The following MRRF variants were observed in gnomAD, a reference collection of about 807,000 sequenced individuals.
MRRF encodes mitochondrial ribosome recycling factor, also known as ribosome-recycling factor, mitochondrial.
Under a neutral mutation model 25.1 loss-of-function variants are expected in MRRF, and 18 were observed. The observed-to-expected ratio is 0.72, with a 90% CI of 0.50 to 1.06. MRRF has a LOEUF of 1.06. Ranked by LOEUF, MRRF falls within the 50% of genes least tolerant of loss-of-function variation. MRRF has a pLI of 0.00. For synonymous variants in MRRF, 113 were observed against 112.1 expected (o/e 1.01, Z -0.05); for missense variants, 323 against 319.3 (o/e 1.01, Z -0.09).
At chr9:122,272,532 G>C (rs542245619) in intron 2 of MRRF, among the ~76,000 whole-genome samples, 2 of 152,212 alleles carry the variant, frequency 1.3e-5, no homozygotes, top group African/African-American at 4.8e-5. Context: ...GGGCCTGGTG[G>C]CCTGTACCTG....
At chr9:122,286,138 G>T in intron 4 of MRRF, 2 of 1,267,018 alleles carry the variant, frequency 1.6e-6, no homozygotes, top group Non-Finnish European at 2.1e-6. Context: ...CACTCTCTGG[G>T]CCTCCATTTC....
intron 5 of MRRF, among the ~76,000 whole-genome samples, chr9:122,309,578 A>T (rs1020603883): frequency 6.6e-6 from 1 of 151,800 alleles, no homozygotes; most frequent in African/African-American, 2.4e-5. Flanking sequence ...GGTTGGTCAG[A>T]CTCCTTTCCC....
rs1239326106 is a variant in MRRF at position 122,264,942 on chromosome 9, A to G, written c.-29+4A>G. Reference sequence around the variant, plus strand: ...TTAGTAACCTGGGCGATAGCTGGTGAGTGTCCTTGACAGGGCCTCGAGGGG... The same window carrying G: ...TTAGTAACCTGGGCGATAGCTGGTGGGTGTCCTTGACAGGGCCTCGAGGGG... On this transcript the variant is annotated splice_donor_region_variant and intron_variant, in intron 1 of 6. Transcript: ENST00000344641. The G allele has an allele frequency of 6.5e-6, 1 of 153,082 alleles. No individual in the cohort carries two copies. The highest frequency in any genetic ancestry group is 1.5e-5 in the Non-Finnish European group (1 of 68,116). 9.5% of individuals were successfully genotyped at this position (153,082 alleles called of 1,614,324 possible). A position where few individuals can be genotyped will look rare whatever the true frequency, so the allele number is the denominator to read the frequency against.
intron 4 of MRRF, among the ~76,000 whole-genome samples, chr9:122,287,956 C>A (rs1297915446): frequency 6.6e-6 from 1 of 152,156 alleles, no homozygotes; most frequent in Admixed American, 6.5e-5. Context: ...CTGAGCTAAT[C>A]CTGTGTTTAT....
chr9:122,278,265 AG>A (rs1208600075), intron 2 of MRRF, among the ~76,000 whole-genome samples: 4 of 152,200 alleles, frequency 2.6e-5, no homozygotes, highest in African/African-American at 7.2e-5. Flanking sequence ...AGGAAAGTGC[AG>A]CTGTCATAAA....
chr9:122,318,069 A>C (rs1374430408), intron 6 of MRRF, among the ~76,000 whole-genome samples: 3 of 152,170 alleles, frequency 2.0e-5, no homozygotes, highest in African/African-American at 7.2e-5. Context: ...CCCGGGAGGC[A>C]GAGCTGCAGT....
In MRRF at chr9:122,324,586, A is replaced by G. The variant is rs1401507835; in HGVS notation, c.*1969A>G. The stretch of plus-strand genomic sequence containing the variant: ...TGCACTGAACTAAATTGCTGTCTAT[A>G]ATAATCTATTGGGTGGAAAAGTAGG... On this transcript the variant is annotated 3_prime_UTR_variant, in exon 7 of 7. Coordinates refer to ENST00000344641, the MANE Select transcript of MRRF (RefSeq NM_138777.5). 1.3e-5 allele frequency: 2 copies of G among 152,216 alleles called. No homozygotes were observed. The highest frequency in any genetic ancestry group is 2.9e-5 in the Non-Finnish European group (2 of 68,042). 9.4% of individuals were successfully genotyped at this position (152,216 alleles called of 1,614,324 possible). A position where few individuals can be genotyped will look rare whatever the true frequency, so the allele number is the denominator to read the frequency against.
chr9:122,294,994 A>G (rs1833998543), intron 5 of MRRF, among the ~76,000 whole-genome samples: 1 of 152,186 alleles, frequency 6.6e-6, no homozygotes, highest in African/African-American at 2.4e-5. Flanking sequence ...ATATTCAGGA[A>G]AGCAGAAAAG....
intron 1 of MRRF, among the ~76,000 whole-genome samples, chr9:122,265,149 AG>A (rs970145417): frequency 2.6e-5 from 4 of 152,134 alleles, no homozygotes; most frequent in Non-Finnish European, 5.9e-5. Context: ...CTAGGAATTT[AG>A]GGGATGCTGG....
intron 5 of MRRF, among the ~76,000 whole-genome samples, chr9:122,307,427 C>T (rs1834922217): frequency 6.6e-6 from 1 of 152,218 alleles, no homozygotes; most frequent in South Asian, 2.1e-4. Context: ...CTGTTTCTCT[C>T]TGCTCACTAT....
At chr9:122,272,610 GT>G (rs1439374686) in intron 2 of MRRF, among the ~76,000 whole-genome samples, 1 of 152,174 alleles carries the variant, frequency 6.6e-6, no homozygotes, top group African/African-American at 2.4e-5. Flanking sequence ...GGCTGCAGAA[GT>G]TGGTTGTTTG....
At position 122,327,755 on chromosome 9, in the gene MRRF, T is replaced by A. The variant is rs1836179330; in HGVS notation, c.*5138T>A. On this transcript the variant is annotated 3_prime_UTR_variant, in exon 7 of 7. Coordinates refer to ENST00000344641, the MANE Select transcript of MRRF (RefSeq NM_138777.5). Reference sequence around the variant, plus strand: ...TCTTTATTTCATTCAGTGCTCTTAGTCTGAATTTTATCTTGTTGTATATCA... The same window carrying A: ...TCTTTATTTCATTCAGTGCTCTTAGACTGAATTTTATCTTGTTGTATATCA... The A allele has an allele frequency of 6.6e-6, 1 of 152,192 alleles. No individual in the cohort carries two copies. Among genetic ancestry groups the A allele is most frequent in the African/African-American group, 2.4e-5 (1 of 41,464 alleles). The allele number at this position is 152,192 out of a possible 1,614,324, so 9.4% of individuals were successfully genotyped here.
At chr9:122,316,782 G>A (rs1390187939) in intron 6 of MRRF, among the ~76,000 whole-genome samples, 1 of 149,820 alleles carries the variant, frequency 6.7e-6, no homozygotes, top group Non-Finnish European at 1.5e-5. Flanking sequence ...AGAGGCAACC[G>A]CTCTTAACAT....
At chr9:122,269,010 C>A (rs1056709326) in intron 1 of MRRF, among the ~76,000 whole-genome samples, 22 of 151,772 alleles carry the variant, frequency 1.4e-4, no homozygotes, top group African/African-American at 5.3e-4. Context: ...CTAAAAAATA[C>A]AAAAAATTAG....
In MRRF at chr9:122,313,309, C is replaced by T. The variant is rs753964595; in HGVS notation, c.634C>T (p.Arg212Cys). The T allele has an allele frequency of 1.5e-5, 24 of 1,613,898 alleles. No individual in the cohort carries two copies. The highest frequency in any genetic ancestry group is 1.9e-5 in the Non-Finnish European group (22 of 1,179,918). Residue 212 changes from arginine (R) to cysteine (C), a missense_variant, in exon 6 of 7, where the codon CGC becomes TGC. By Grantham distance (180) the Arg-to-Cys change is radical. Transcript: ENST00000344641. Reference protein sequence around the residue: ...NKAKDSLRKVRTNSMNKLKKS... With the variant: ...NKAKDSLRKVCTNSMNKLKKS... Reference sequence around the variant, plus strand: ...GGCCAAAGACTCTTTACGGAAGGTTCGCACCAACTCAATGAACAAGCTGAA... The same window carrying T: ...GGCCAAAGACTCTTTACGGAAGGTTTGCACCAACTCAATGAACAAGCTGAA...
intron 3 of MRRF, among the ~76,000 whole-genome samples, chr9:122,281,129 T>C (rs996051945): frequency 6.6e-6 from 1 of 152,174 alleles, no homozygotes; most frequent in African/African-American, 2.4e-5. Flanking sequence ...CCCCTGAGCT[T>C]GACCAGGAAG....
intron 4 of MRRF, among the ~76,000 whole-genome samples, chr9:122,288,283 A>T (rs1034483591): frequency 2.0e-5 from 3 of 152,226 alleles, no homozygotes; most frequent in Non-Finnish European, 2.9e-5. Flanking sequence ...TGCAGGCACC[A>T]TTATTGCTCT....
At chr9:122,312,226 C>T (rs1039851087) in intron 5 of MRRF, among the ~76,000 whole-genome samples, 1 of 152,192 alleles carries the variant, frequency 6.6e-6, no homozygotes, top group African/African-American at 2.4e-5. Flanking sequence ...ATCTGTGAGC[C>T]TGTTTCCTCA....
At chr9:122,278,434 C>CT (rs910818018) in intron 2 of MRRF, among the ~76,000 whole-genome samples, 18 of 151,338 alleles carry the variant, frequency 1.2e-4, no homozygotes, top group East Asian at 3.9e-4. Context: ...TTCGTTTTCT[C>CT]TTTTTTTTTA....
Sources: gnomAD v4.1 joint callset for allele counts (sites outside exome capture counted in the v4.1 genomes callset) on GRCh38, gnomAD v4.1.1 for gene constraint, MANE v1.5 for transcripts, NCBI Gene and HGNC (gene_info 2026-07-23, HGNC 2026-07-21) for gene names.